DGKB: variants seen among roughly 807,000 people sequenced by gnomAD.
DGKB encodes diacylglycerol kinase beta.
A neutral mutation model predicts 114.3 loss-of-function variants in DGKB; 67 were observed. That is an observed-to-expected ratio of 0.59 (90% confidence interval 0.48 to 0.72). DGKB has a LOEUF of 0.72. Ranked by LOEUF, DGKB falls within the 30% of genes least tolerant of loss-of-function variation. The pLI is 0.00. For missense variants in DGKB, 907 were observed against 975.2 expected (o/e 0.93, Z 0.93); for synonymous variants, 398 against 323.1 (o/e 1.23, Z -2.49).
At chr7:14,454,302 A>G (rs1292005820) in intron 21 of DGKB, among the ~76,000 whole-genome samples, 1 of 152,086 alleles carries the variant, frequency 6.6e-6, no homozygotes, top group Non-Finnish European at 1.5e-5. Flanking sequence ...ATACTTCCCT[A>G]TTTTAAAAAA....
At chr7:14,632,531 T>C (rs1344327479) in intron 13 of DGKB, among the ~76,000 whole-genome samples, 4 of 151,984 alleles carry the variant, frequency 2.6e-5, no homozygotes, top group Non-Finnish European at 5.9e-5. Flanking sequence ...TCTAATAAAA[T>C]TTGAGAGAAG....
At chr7:14,747,188 CTTTTTTT>C (rs372925762) in intron 4 of DGKB, among the ~76,000 whole-genome samples, 1 of 124,176 alleles carries the variant, frequency 8.1e-6, no homozygotes, top group Admixed American at 8.4e-5. Flanking sequence ...ACACAAACCT[CTTTTTTT>C]TTTTTTTTTT....
At chr7:14,645,900 A>G (rs1321600827) in intron 13 of DGKB, among the ~76,000 whole-genome samples, 1 of 152,158 alleles carries the variant, frequency 6.6e-6, no homozygotes, top group Non-Finnish European at 1.5e-5. Context: ...AAAGACAAGG[A>G]ATGAAATGTT....
chr7:14,760,407 T>C (rs56012303), intron 2 of DGKB, among the ~76,000 whole-genome samples: 2,862 of 152,210 alleles, frequency 0.019, 29 homozygotes, highest in Non-Finnish European at 0.026. Context: ...AAAATTACAA[T>C]AATTGCTTCT....
In DGKB at chr7:14,326,673, G is replaced by T. The variant is rs139328475; in HGVS notation, c.2122+11842C>A. Among the ~76,000 whole-genome samples, 818 of 152,234 alleles carry T rather than the reference G, an allele frequency of 5.4e-3. 8 individuals carry two copies. Among genetic ancestry groups the T allele is most frequent in the African/African-American group, 0.019 (789 of 41,550 alleles). On this transcript the variant is annotated intron_variant, in intron 23 of 25. Coordinates refer to ENST00000402815, the MANE Select transcript of DGKB (RefSeq NM_001350709.2). ...CTTTCCTTTGCGGGAATGGCATAATGATTTGTTTCTTAGAGAACCTTGTTT... is the reference window on the plus strand; with the variant it reads ...CTTTCCTTTGCGGGAATGGCATAATTATTTGTTTCTTAGAGAACCTTGTTT...
At chr7:14,824,418 G>T (rs1845377247) in intron 2 of DGKB, among the ~76,000 whole-genome samples, 1 of 152,114 alleles carries the variant, frequency 6.6e-6, no homozygotes, top group East Asian at 1.9e-4. Flanking sequence ...AGAAAAAGTA[G>T]GAGAGAAATA....
At chr7:14,271,733 C>A (rs1156989818) in intron 23 of DGKB, among the ~76,000 whole-genome samples, 1 of 152,260 alleles carries the variant, frequency 6.6e-6, no homozygotes, top group Non-Finnish European at 1.5e-5. Flanking sequence ...AACACAAAAG[C>A]TTTTAGTTGG....
chr7:14,818,242 T>C (rs1189412043), intron 2 of DGKB, among the ~76,000 whole-genome samples: 1 of 152,180 alleles, frequency 6.6e-6, no homozygotes, highest in Non-Finnish European at 1.5e-5. Flanking sequence ...CAAGTGACCA[T>C]TGAAAGTAGT....
At chr7:14,487,131 C>T (rs530091164) in intron 20 of DGKB, among the ~76,000 whole-genome samples, 9 of 152,222 alleles carry the variant, frequency 5.9e-5, no homozygotes, top group Admixed American at 1.3e-4. Context: ...TCCAGACTGC[C>T]GAGTGGTAGT....
In DGKB at chr7:14,627,005, T is replaced by G. The variant is rs998242956; in HGVS notation, c.1167+3231A>C. On this transcript the variant is annotated intron_variant, in intron 14 of 25. Coordinates refer to ENST00000402815, the MANE Select transcript of DGKB (RefSeq NM_001350709.2). ...TATTTTAACTATAAATTGGAAAGCT[T>G]ATGTTAGAAAAAAGTAAGAAAATTT... Among the ~76,000 whole-genome samples, 48 of 152,144 alleles carry G rather than the reference T, an allele frequency of 3.2e-4. 1 individual carries two copies. Among genetic ancestry groups the G allele is most frequent in the Non-Finnish European group, 1.5e-4 (10 of 68,022 alleles).
At chr7:14,263,535 A>G (rs1219153430) in intron 23 of DGKB, among the ~76,000 whole-genome samples, 2 of 152,166 alleles carry the variant, frequency 1.3e-5, no homozygotes, top group Non-Finnish European at 2.9e-5. Context: ...CATGCTATGC[A>G]TGGCTAAATC....
intron 16 of DGKB, among the ~76,000 whole-genome samples, chr7:14,610,176 A>C (rs1249634467): frequency 1.3e-5 from 2 of 152,140 alleles, no homozygotes; most frequent in Non-Finnish European, 2.9e-5. Flanking sequence ...TATAGCATGG[A>C]ATACTACACA....
At chr7:14,972,326 C>A (rs1003781364) in intron 1 of DGKB, among the ~76,000 whole-genome samples, 2 of 152,030 alleles carry the variant, frequency 1.3e-5, no homozygotes, top group Admixed American at 6.6e-5. Flanking sequence ...CTTTTGCTGG[C>A]AAACTGGACT....
At chr7:14,544,401 C>T (rs1224171906) in intron 20 of DGKB, among the ~76,000 whole-genome samples, 2 of 152,102 alleles carry the variant, frequency 1.3e-5, no homozygotes, top group African/African-American at 4.8e-5. Flanking sequence ...GGACACACTG[C>T]TTGTAGAACA....
Position 14,395,693 on chromosome 7 carries a change from T to C in DGKB, c.1836-50302A>G, listed in dbSNP as rs191883134. 4.1e-4 allele frequency among the ~76,000 whole-genome samples: 62 copies of C among 152,006 alleles called. No homozygotes were observed. The East Asian group carries it at 0.011, about 27-fold the overall frequency. On this transcript the variant is annotated intron_variant, in intron 21 of 25. Transcript: ENST00000402815. ...ATGTAATATTCTGTATTCTGACATA[T>C]TAAATCTGTTAAAGCCATTTTTAGG...
At chr7:14,892,862 ATATGTG>A (rs1209772631) in intron 1 of DGKB, among the ~76,000 whole-genome samples, 1 of 76,230 alleles carries the variant, frequency 1.3e-5, no homozygotes, top group Non-Finnish European at 2.4e-5. Context: ...CCATATATAT[ATATGTG>A]TGTGTGTGTG....
intron 23 of DGKB, among the ~76,000 whole-genome samples, chr7:14,184,394 G>A (rs1426065144): frequency 6.6e-6 from 1 of 152,060 alleles, no homozygotes; most frequent in Non-Finnish European, 1.5e-5. Context: ...TTTTCAGGCC[G>A]GTCTCACCTT....
chr7:14,511,156 T>G (rs2128542542), intron 20 of DGKB, among the ~76,000 whole-genome samples: 1 of 152,336 alleles, frequency 6.6e-6, no homozygotes, highest in Middle Eastern at 3.4e-3. Flanking sequence ...TTTGAAGCTT[T>G]GAAGCCATGT....
At position 14,241,581 on chromosome 7, in the gene DGKB, G is replaced by A. The variant is rs1445194330; in HGVS notation, c.2123-63430C>T. 4.4e-4 allele frequency among the ~76,000 whole-genome samples: 67 copies of A among 152,032 alleles called. 1 individual carries two copies. Among genetic ancestry groups the A allele is most frequent in the Non-Finnish European group, 2.9e-5 (2 of 67,946 alleles). ...AATAAAAATATATTGCAAATGAAAA[G>A]CTTTTTTAAGTTGAATTGGAAATTT... On this transcript the variant is annotated intron_variant, in intron 23 of 25. Coordinates refer to ENST00000402815, the MANE Select transcript of DGKB (RefSeq NM_001350709.2).
Sources: gnomAD v4.1 joint callset for allele counts (sites outside exome capture counted in the v4.1 genomes callset) on GRCh38, gnomAD v4.1.1 for gene constraint, MANE v1.5 for transcripts, NCBI Gene and HGNC (gene_info 2026-07-23, HGNC 2026-07-21) for gene names.